The following PCDHGA2 variants were observed in gnomAD, a reference collection of about 807,000 sequenced individuals.
PCDHGA2 encodes protocadherin gamma-A2.
PCDHGA2 carries 40 observed loss-of-function variants against 59.2 expected under a neutral mutation model. That is an observed-to-expected ratio of 0.68 (90% CI 0.52 to 0.88). PCDHGA2 has a LOEUF of 0.88. Among genes scored for constraint, PCDHGA2 ranks in the 40% least tolerant of loss-of-function variants. PCDHGA2 has a pLI of 0.00. For synonymous variants in PCDHGA2, 560 were observed against 526.0 expected, an observed-to-expected ratio of 1.06 and a Z score of -0.89; for missense variants, 1,226 against 1,204.0, an observed-to-expected ratio of 1.02 and a Z score of -0.27.
chr5:141,408,488 T>C lies in PCDHGA2; in HGVS notation c.2424+67093T>C, dbSNP rs199936765. ...GAACCGAATAGACCGTGAGCAAATA[T>C]GCAAAGAGAGAAGAAGATGTGAGTT... On this transcript the variant is annotated intron_variant, in intron 1 of 3. Transcript: ENST00000394576. The C allele has an allele frequency of 8.1e-6, 13 of 1,613,894 alleles. No individual in the cohort carries two copies. The highest frequency in any genetic ancestry group is 4.0e-5 in the African/African-American group (3 of 74,922).
At position 141,486,905 on chromosome 5, in the gene PCDHGA2, C is replaced by G. The variant is rs1463391292; in HGVS notation, c.2425-7902C>G. On this transcript the variant is annotated intron_variant, in intron 1 of 3. Coordinates refer to ENST00000394576, the MANE Select transcript of PCDHGA2 (RefSeq NM_018915.4). This position sits in a 1 kb window ranked among gnomAD's most constrained non-coding sequence, Gnocchi z 5.0. ...GGCCCGGCCTGGTTCCTTATGTCCC[C>G]AAGCACTGCCTCCATCAGTTGGTGC... 1 of 1,614,250 alleles carries G rather than the reference C, an allele frequency of 6.2e-7. No individual in the cohort carries two copies. The highest frequency in any genetic ancestry group is 1.3e-5 in the African/African-American group (1 of 75,066).
At chr5:141,355,426 G>T (rs368097715) in intron 1 of PCDHGA2, 11 of 1,614,068 alleles carry the variant, frequency 6.8e-6, no homozygotes, top group Non-Finnish European at 9.3e-6. Flanking sequence ...GCAGCTTTTC[G>T]CCCTGAACCC....
rs757269142 is a variant in PCDHGA2, at chr5:141,351,775, G to A, written c.2424+10380G>A. 11 of 1,613,472 alleles carry A rather than the reference G, an allele frequency of 6.8e-6. No individual in the cohort carries two copies. The South Asian group carries it at 1.2e-4, about 18-fold the overall frequency. ...TGTTGTCCTACGTGTCCGTGAGCCC[G>A]CAGAGCGGGGTGGTGTTCGCGCAGC... On this transcript the variant is annotated intron_variant, in intron 1 of 3. Coordinates refer to ENST00000394576, the MANE Select transcript of PCDHGA2 (RefSeq NM_018915.4).
At position 141,413,202 on chromosome 5, in the gene PCDHGA2, GGAATC is replaced by G. The variant is rs766359797; in HGVS notation, c.2424+71808_2424+71812del. 6.8e-6 allele frequency: 11 copies of G among 1,611,944 alleles called. No homozygotes were observed. The East Asian group carries it at 2.2e-4, about 33-fold the overall frequency. On this transcript the variant is annotated intron_variant, in intron 1 of 3. Coordinates refer to ENST00000394576, the MANE Select transcript of PCDHGA2 (RefSeq NM_018915.4). ...TGGCCGCTCAAAGGAATCGCTCAAAGGAATCAAAGGATTGCAGCGGGCTGGTCCTG... is the reference window on the plus strand; with the variant it reads ...TGGCCGCTCAAAGGAATCGCTCAAAGAAAGGATTGCAGCGGGCTGGTCCTG...
Position 141,393,015 on chromosome 5 carries a change from T to C in PCDHGA2, c.2424+51620T>C, listed in dbSNP as rs755462760. On this transcript the variant is annotated intron_variant, in intron 1 of 3. Transcript: ENST00000394576. The stretch of plus-strand genomic sequence containing the variant: ...GGCGAAGCACGGAGTCCGTATCGTC[T>C]CCAGAGGTAGGACGCAGCTCTTTGC... The C allele has an allele frequency of 7.9e-5, 127 of 1,613,696 alleles. No homozygotes were observed. The highest frequency in any genetic ancestry group is 1.1e-4 in the Non-Finnish European group (124 of 1,179,874).
chr5:141,415,585 C>G (rs1589974529), intron 1 of PCDHGA2: 5 of 1,613,900 alleles, frequency 3.1e-6, no homozygotes, highest in Non-Finnish European at 3.4e-6. Context: ...TTCGAAGTTT[C>G]CTATAGAGGA....
intron 1 of PCDHGA2, among the ~76,000 whole-genome samples, chr5:141,467,814 A>G (rs2099152300): frequency 6.6e-6 from 1 of 151,978 alleles, no homozygotes; most frequent in Non-Finnish European, 1.5e-5. Flanking sequence ...ACATGCCACC[A>G]CACCAGGCTG....
At position 141,493,093 on chromosome 5, in the gene PCDHGA2, A is replaced by G. The variant is rs78102761; in HGVS notation, c.2425-1714A>G. On this transcript the variant is annotated intron_variant, in intron 1 of 3. Transcript: ENST00000394576. The surrounding 1 kb of genome is among the most constrained non-coding windows in gnomAD (Gnocchi z 4.3). ...CTCCAACTCCAGGAGCTTTTATTCA[A>G]AATATATCAATGCCTAACTCTGCTC... 0.034 allele frequency among the ~76,000 whole-genome samples: 5,198 copies of G among 152,282 alleles called. 159 individuals carry two copies. Among genetic ancestry groups the G allele is most frequent in the African/African-American group, 0.079 (3,275 of 41,546 alleles).
chr5:141,415,605 G>GGT, intron 1 of PCDHGA2: 1 of 1,613,122 alleles, frequency 6.2e-7, no homozygotes. Context: ...ATACCCCATT[G>GGT]GTTCCAGTGA....
intron 1 of PCDHGA2, chr5:141,345,609 A>G: frequency 1.2e-6 from 2 of 1,614,150 alleles, no homozygotes; most frequent in Non-Finnish European, 1.7e-6. Context: ...CGAGCAATTT[A>G]GAGACTTAAA....
chr5:141,385,638 T>C lies in PCDHGA2; in HGVS notation c.2424+44243T>C, dbSNP rs773812795. 80 of 831,646 alleles carry C rather than the reference T, an allele frequency of 9.6e-5. 1 individual carries two copies. Among genetic ancestry groups the C allele is most frequent in the Non-Finnish European group, 1.2e-4 (78 of 652,914 alleles). 51.5% of individuals were successfully genotyped at this position (831,646 alleles called of 1,614,324 possible). A position where few individuals can be genotyped will look rare whatever the true frequency, so the allele number is the denominator to read the frequency against. ...TATACATTGGAATGAATCGAGTCTT[T>C]CATATTGCACAAGGTTAGCAGGAAT... is the stretch of plus-strand genomic sequence containing the variant. On this transcript the variant is annotated intron_variant, in intron 1 of 3. Transcript: ENST00000394576.
chr5:141,409,883 C>CGGGTGCTGTACCCAGCTCT, intron 1 of PCDHGA2: 1 of 1,612,988 alleles, frequency 6.2e-7, no homozygotes, highest in Non-Finnish European at 8.5e-7. Context: ...CAACGCACCG[C>CGGGTGCTGTACCCAGCTCT]GGGTGCTGTA....
Position 141,490,869 on chromosome 5 carries a change from A to AT in PCDHGA2, c.2425-3936dup. 1.2e-6 allele frequency: 2 copies of AT among 1,613,902 alleles called. No individual in the cohort carries two copies. Among genetic ancestry groups the AT allele is most frequent in the Non-Finnish European group, 8.5e-7 (1 of 1,179,954 alleles). ...GGGTTCGAGACTCCGGCTCTCCCCC[A>AT]TTGCATGCCAACACATCTCTGCATG... On this transcript the variant is annotated intron_variant, in intron 1 of 3. Coordinates refer to ENST00000394576, the MANE Select transcript of PCDHGA2 (RefSeq NM_018915.4). This position sits in a 1 kb window ranked among gnomAD's most constrained non-coding sequence, Gnocchi z 5.4.
At chr5:141,362,990 A>C (rs1365847301) in intron 1 of PCDHGA2, among the ~76,000 whole-genome samples, 1 of 152,256 alleles carries the variant, frequency 6.6e-6, no homozygotes, top group African/African-American at 2.4e-5. Flanking sequence ...GCATAATGGC[A>C]TGGCTTGTTA....
intron 1 of PCDHGA2, among the ~76,000 whole-genome samples, chr5:141,369,547 A>G (rs1766330470): frequency 6.6e-6 from 1 of 152,196 alleles, no homozygotes; most frequent in Non-Finnish European, 1.5e-5. Context: ...TTAAAAGTAG[A>G]CACTTGGAAA....
intron 1 of PCDHGA2, chr5:141,393,244 A>C: frequency 6.2e-7 from 1 of 1,613,840 alleles, no homozygotes; most frequent in Non-Finnish European, 8.5e-7. Flanking sequence ...AAAATTAACG[A>C]AATCGCGGTT....
intron 1 of PCDHGA2, chr5:141,384,968 C>T (rs1345751127): frequency 1.2e-6 from 2 of 1,613,962 alleles, no homozygotes; most frequent in East Asian, 2.2e-5. Context: ...TATGACCTCA[C>T]GTTGTACCTG....
At chr5:141,348,129 AT>A (rs1758069278) in intron 1 of PCDHGA2, among the ~76,000 whole-genome samples, 1 of 152,266 alleles carries the variant, frequency 6.6e-6, no homozygotes, top group South Asian at 2.1e-4. Flanking sequence ...ATTTTCACTC[AT>A]GAAATCATAT....
chr5:141,422,406 T>C, intron 1 of PCDHGA2: 1 of 1,601,224 alleles, frequency 6.2e-7, no homozygotes, highest in South Asian at 1.1e-5. Context: ...ACCTGCCTTT[T>C]AAATTAGAAA....
Sources: gnomAD v4.1 joint callset for allele counts (sites outside exome capture counted in the v4.1 genomes callset) on GRCh38, gnomAD v4.1.1 for gene constraint, Gnocchi (gnomAD v3.1) non-coding constraint, MANE v1.5 for transcripts, NCBI Gene and HGNC (gene_info 2026-07-23, HGNC 2026-07-21) for gene names.